Variants in CIMIP4 observed in about 807,000 individuals in gnomAD.
The protein encoded by CIMIP4 is protein EAN57.
the CIMIP4 span, among the ~76,000 whole-genome samples, chr22:36,993,052 T>C: frequency 2.0e-5 from 3 of 149,896 alleles, no homozygotes; most frequent in Non-Finnish European, 4.4e-5. Flanking sequence ...TCGCTCTGTC[T>C]CCAGGCTGGA....
At chr22:36,991,335 G>T in the CIMIP4 span, 9 of 1,587,916 alleles carry the variant, frequency 5.7e-6, no homozygotes, top group Middle Eastern at 1.7e-4. Flanking sequence ...CTCTGGAGTT[G>T]CCCAGACCCC....
chr22:36,992,215 C>A, the CIMIP4 span, among the ~76,000 whole-genome samples: 1 of 152,020 alleles, frequency 6.6e-6, no homozygotes, highest in South Asian at 2.1e-4. Flanking sequence ...GGCGTGGTGG[C>A]GGGCTCCTGT....
At chr22:36,992,295 C>G in the CIMIP4 span, among the ~76,000 whole-genome samples, 417 of 152,104 alleles carry the variant, frequency 2.7e-3, 6 homozygotes, top group African/African-American at 9.6e-3. Flanking sequence ...TGCAGTGAGC[C>G]GAGATCGTGC....
chr22:37,007,173 G>A, the CIMIP4 span, among the ~76,000 whole-genome samples: 1 of 152,220 alleles, frequency 6.6e-6, no homozygotes, highest in Non-Finnish European at 1.5e-5. Context: ...CTGTGAGATA[G>A]TAAATGTTGT....
At chr22:37,004,984 G>A in the CIMIP4 span, among the ~76,000 whole-genome samples, 11 of 152,082 alleles carry the variant, frequency 7.2e-5, no homozygotes, top group African/African-American at 2.4e-4. Context: ...CACCGTGCCC[G>A]GCCTGTGACT....
At chr22:36,994,925 C>T in the CIMIP4 span, among the ~76,000 whole-genome samples, 9 of 152,182 alleles carry the variant, frequency 5.9e-5, no homozygotes, top group African/African-American at 1.2e-4. Context: ...CCACTGCGCC[C>T]GGCCTGGAGA....
At chr22:36,991,549 G>A in the CIMIP4 span, 1 of 1,614,210 alleles carries the variant, frequency 6.2e-7, no homozygotes, top group Non-Finnish European at 8.5e-7. Flanking sequence ...GACCTCTGGT[G>A]TGTAAGAAGC....
chr22:36,995,050 A>G, the CIMIP4 span, among the ~76,000 whole-genome samples: 1 of 152,230 alleles, frequency 6.6e-6, no homozygotes, highest in Non-Finnish European at 1.5e-5. Context: ...TTCTCCAATG[A>G]CAGTCACATC....
the CIMIP4 span, among the ~76,000 whole-genome samples, chr22:36,994,489 C>T: frequency 6.6e-6 from 1 of 152,122 alleles, no homozygotes; most frequent in Non-Finnish European, 1.5e-5. Context: ...TCACGCCTAG[C>T]TAATTTTTGT....
At chr22:36,997,696 C>A in the CIMIP4 span, among the ~76,000 whole-genome samples, 1 of 152,218 alleles carries the variant, frequency 6.6e-6, no homozygotes, top group African/African-American at 2.4e-5. Context: ...GAGCCCTTAA[C>A]CTGAGCCAAA....
the CIMIP4 span, chr22:36,991,275 C>T: frequency 3.7e-5 from 59 of 1,614,116 alleles, no homozygotes; most frequent in African/African-American, 5.7e-4. Context: ...GGTGCCACCG[C>T]CCTACAGCGA....
the CIMIP4 span, among the ~76,000 whole-genome samples, chr22:36,994,522 A>G: frequency 6.6e-6 from 1 of 151,664 alleles, no homozygotes; most frequent in Non-Finnish European, 1.5e-5. Context: ...GACATGCGCC[A>G]TCATGCCAGC....
At chr22:36,992,926 A>G in the CIMIP4 span, among the ~76,000 whole-genome samples, 1 of 150,210 alleles carries the variant, frequency 6.7e-6, no homozygotes, top group Non-Finnish European at 1.5e-5. Context: ...AATCCTATAT[A>G]TAATACATAT....
chr22:37,007,207 T>A, the CIMIP4 span, among the ~76,000 whole-genome samples: 1 of 152,110 alleles, frequency 6.6e-6, no homozygotes, highest in Admixed American at 6.5e-5. Flanking sequence ...AGTTTTGGGG[T>A]GATTTGTTGT....
chr22:36,997,334 C>A, the CIMIP4 span, among the ~76,000 whole-genome samples: 2 of 152,258 alleles, frequency 1.3e-5, no homozygotes, highest in African/African-American at 2.4e-5. Context: ...CTCCCCCTGG[C>A]AGCTTCTCTA....
At chr22:36,999,807 G>A in the CIMIP4 span, 1 of 1,596,330 alleles carries the variant, frequency 6.3e-7, no homozygotes, top group South Asian at 1.1e-5. Context: ...GACCATGGGT[G>A]TTCACGGCCC....
chr22:36,992,450 T>C, the CIMIP4 span, among the ~76,000 whole-genome samples: 1 of 152,004 alleles, frequency 6.6e-6, no homozygotes, highest in Non-Finnish European at 1.5e-5. Context: ...AAAGAGCAGA[T>C]AGATTAGTAA....
chr22:36,991,385 G>T, the CIMIP4 span: 1 of 1,555,106 alleles, frequency 6.4e-7, no homozygotes, highest in Non-Finnish European at 8.9e-7. Flanking sequence ...CCCCGGCTCT[G>T]TCTCCTGCTC....
chr22:37,004,369 A>G, the CIMIP4 span, among the ~76,000 whole-genome samples: 1 of 149,788 alleles, frequency 6.7e-6, no homozygotes, highest in Admixed American at 6.6e-5. Context: ...TTTTCCTTTC[A>G]TCTCCTCCTC....
Sources: allele counts gnomAD v4.1 joint callset (sites outside exome capture counted in the v4.1 genomes callset), GRCh38; gene constraint gnomAD v4.1.1; transcripts MANE v1.5; gene names NCBI Gene and HGNC (gene_info 2026-07-23, HGNC 2026-07-21).